The following CELF2 variants were observed in gnomAD, a reference collection of about 807,000 sequenced individuals.
CELF2 encodes CUG triplet repeat RNA-binding protein 2.
Under a neutral mutation model 62.6 loss-of-function variants are expected in CELF2, and 8 were observed. The ratio of observed to expected loss-of-function variants is 0.13; its 90% CI spans 0.07 to 0.23. The LOEUF (loss-of-function observed/expected upper bound fraction) is 0.23. CELF2 is among the 10% of genes least tolerant of loss of function. CELF2 has a pLI of 1.00. For missense variants in CELF2, 333 were observed against 671.0 expected, an observed-to-expected ratio of 0.50 and a Z score of 5.56; for synonymous variants, 258 against 250.0, an observed-to-expected ratio of 1.03 and a Z score of -0.30.
rs750490610 is a variant in CELF2 at position 11,178,077 on chromosome 10, C to T, written c.271+12395C>T. On this transcript the variant is annotated intron_variant, in intron 2 of 12. Coordinates refer to ENST00000633077, the MANE Select transcript of CELF2 (RefSeq NM_001326342.2). This position sits in a 1 kb window ranked among gnomAD's most constrained non-coding sequence, Gnocchi z 4.3. Reference sequence around the variant, plus strand: ...TCAGATCCCTACACATGAAACGCTGCGGCCACAGCTGCAGCCATGCTACCT... The same window carrying T: ...TCAGATCCCTACACATGAAACGCTGTGGCCACAGCTGCAGCCATGCTACCT... Among the ~76,000 whole-genome samples the T allele has an allele frequency of 2.0e-5, 3 of 152,218 alleles. No homozygotes were observed. Among genetic ancestry groups the T allele is most frequent in the South Asian group, 2.1e-4 (1 of 4,834 alleles).
chr10:10,716,990 C>G, the CELF2 span, among the ~76,000 whole-genome samples: 1 of 152,058 alleles, frequency 6.6e-6, no homozygotes, highest in African/African-American at 2.4e-5. Flanking sequence ...ATAAAGCATG[C>G]GGGCACGTGA....
chr10:11,277,840 T>C (rs2086710897), intron 8 of CELF2, among the ~76,000 whole-genome samples: 3 of 152,240 alleles, frequency 2.0e-5, no homozygotes, highest in African/African-American at 2.4e-5. Flanking sequence ...TGATTGATAC[T>C]GTGTCCTACG....
the CELF2 span, among the ~76,000 whole-genome samples, chr10:10,628,196 G>T: frequency 6.6e-6 from 1 of 152,114 alleles, no homozygotes; most frequent in Non-Finnish European, 1.5e-5. Context: ...GAGCCACCAT[G>T]CCCAGCCCAG....
chr10:10,529,419 G>C, the CELF2 span, among the ~76,000 whole-genome samples: 1 of 152,142 alleles, frequency 6.6e-6, no homozygotes, highest in Non-Finnish European at 1.5e-5. Context: ...GGGCACAGTG[G>C]CTCACACCTA....
Position 11,244,875 on chromosome 10 carries a change from C to T in CELF2, c.355-4278C>T, listed in dbSNP as rs190047783. On this transcript the variant is annotated intron_variant, in intron 3 of 12. Coordinates refer to ENST00000633077, the MANE Select transcript of CELF2 (RefSeq NM_001326342.2). This position sits in a 1 kb window ranked among gnomAD's most constrained non-coding sequence, Gnocchi z 4.2. ...AATGCAGACATAGCTTCATCTGAGACGCCTTCCCCAGCGTGTCCTTCCTCC... is the reference window on the plus strand; with the variant it reads ...AATGCAGACATAGCTTCATCTGAGATGCCTTCCCCAGCGTGTCCTTCCTCC... Among the ~76,000 whole-genome samples the T allele has an allele frequency of 6.6e-4, 100 of 152,310 alleles. No individual in the cohort carries two copies. The highest frequency in any genetic ancestry group is 2.3e-3 in the African/African-American group (95 of 41,566).
intron 2 of CELF2, among the ~76,000 whole-genome samples, chr10:11,175,165 A>C (rs1449807331): frequency 3.9e-5 from 6 of 152,162 alleles, no homozygotes; most frequent in African/African-American, 1.4e-4. Flanking sequence ...TTAGCTCCTA[A>C]CTAGGCCACT....
intron 1 of CELF2, among the ~76,000 whole-genome samples, chr10:11,020,680 T>A (rs1257451962): frequency 6.6e-6 from 1 of 152,242 alleles, no homozygotes; most frequent in Non-Finnish European, 1.5e-5. Flanking sequence ...ATATTTTCAA[T>A]GGCGTTTTCC....
chr10:10,733,720 G>C, the CELF2 span, among the ~76,000 whole-genome samples: 3 of 152,134 alleles, frequency 2.0e-5, no homozygotes, highest in African/African-American at 7.2e-5. Context: ...AAAACCATCA[G>C]ATCTTGTGAG....
In CELF2 at chr10:10,820,080, TA is replaced by T. The variant is rs1257300538; in HGVS notation, c.53+21264del. On this transcript the variant is annotated intron_variant, in intron 1 of 13. Transcript: ENST00000636488. ...TAAGTCTCATGGAATCTGATGGGTT[TA>T]TAGAGGGTTTCCGCTTTTGCTTCTT... Among the ~76,000 whole-genome samples the T allele has an allele frequency of 7.2e-5, 11 of 152,280 alleles. No homozygotes were observed. In the East Asian group the frequency reaches 1.7e-3, roughly 24 times the overall value.
At chr10:10,680,428 A>G in the CELF2 span, among the ~76,000 whole-genome samples, 1 of 152,224 alleles carries the variant, frequency 6.6e-6, no homozygotes, top group African/African-American at 2.4e-5. Flanking sequence ...GATCCAGGAC[A>G]GTTCCAAGAG....
intron 1 of CELF2, among the ~76,000 whole-genome samples, chr10:11,078,157 G>C (rs1375104875): frequency 7.0e-6 from 1 of 143,100 alleles, no homozygotes; most frequent in Non-Finnish European, 1.5e-5. Flanking sequence ...ATACTTGAGA[G>C]CTTCTTTAAG....
At chr10:10,743,715 G>T in the CELF2 span, among the ~76,000 whole-genome samples, 2 of 152,102 alleles carry the variant, frequency 1.3e-5, no homozygotes, top group African/African-American at 4.8e-5. Context: ...TCTTCATAGT[G>T]GTTGCTATGG....
rs577957822 is a variant in CELF2, at chr10:11,285,370, G to A, written c.842-3048G>A. ...AGCTATGCCCCCGTGTGGTGCCTCA[G>A]AGACTCAGCCACTCCCCCTGGACTT... On this transcript the variant is annotated intron_variant, in intron 8 of 12. Transcript: ENST00000633077. This position sits in a 1 kb window ranked among gnomAD's most constrained non-coding sequence, Gnocchi z 4.3. Among the ~76,000 whole-genome samples the A allele has an allele frequency of 6.6e-6, 1 of 152,132 alleles. No homozygotes were observed. The highest frequency in any genetic ancestry group is 1.5e-5 in the Non-Finnish European group (1 of 68,026).
At chr10:10,754,067 T>G in the CELF2 span, among the ~76,000 whole-genome samples, 1 of 149,792 alleles carries the variant, frequency 6.7e-6, no homozygotes, top group Non-Finnish European at 1.5e-5. Context: ...GGTGGTTTTT[T>G]TTTTTTTTTT....
chr10:11,232,553 A>G (rs576625652), intron 3 of CELF2, among the ~76,000 whole-genome samples: 19 of 152,282 alleles, frequency 1.2e-4, no homozygotes, highest in East Asian at 3.9e-4. Flanking sequence ...GGTAAAATCT[A>G]TGGCTCGGAA....
chr10:10,527,862 G>A, the CELF2 span, among the ~76,000 whole-genome samples: 4 of 152,250 alleles, frequency 2.6e-5, no homozygotes, highest in African/African-American at 9.6e-5. Flanking sequence ...CTGACACTGT[G>A]TATAATTCTA....
the CELF2 span, among the ~76,000 whole-genome samples, chr10:10,637,358 C>T: frequency 6.6e-6 from 1 of 152,152 alleles, no homozygotes; most frequent in Non-Finnish European, 1.5e-5. Context: ...CTCCATCTCT[C>T]TAGATCCTAG....
the CELF2 span, among the ~76,000 whole-genome samples, chr10:10,490,843 C>A: frequency 1.3e-5 from 2 of 152,092 alleles, no homozygotes; most frequent in African/African-American, 4.8e-5. Context: ...TTAATAATGG[C>A]TACTTGGGAT....
rs572703835 is a variant in CELF2, at chr10:11,021,753, G to A, written c.74+3590G>A. Among the ~76,000 whole-genome samples the A allele has an allele frequency of 3.3e-5, 5 of 152,292 alleles. No homozygotes were observed. The South Asian group carries it at 8.3e-4, about 25-fold the overall frequency. On this transcript the variant is annotated intron_variant, in intron 1 of 12. Transcript: ENST00000633077. ...TTTTCAAGTAAGTGAACACATGTGG[G>A]GTGGCATGTAATGTTCATGGGTTGA... is the stretch of plus-strand genomic sequence containing the variant.
Sources: gnomAD v4.1 joint callset for allele counts (sites outside exome capture counted in the v4.1 genomes callset) on GRCh38, gnomAD v4.1.1 for gene constraint, Gnocchi (gnomAD v3.1) non-coding constraint, MANE v1.5 for transcripts, NCBI Gene and HGNC (gene_info 2026-07-23, HGNC 2026-07-21) for gene names.